GRIK1: variants seen among roughly 807,000 people sequenced by gnomAD.
The protein encoded by GRIK1 is glutamate receptor ionotropic, kainate 1.
Under a neutral mutation model 105.7 loss-of-function variants are expected in GRIK1, and 69 were observed. The observed-to-expected ratio is 0.65, with a 90% CI of 0.54 to 0.80. The LOEUF (loss-of-function observed/expected upper bound fraction) is 0.80, where lower values mean the gene tolerates loss of function less well. Ranked by LOEUF, GRIK1 falls within the 30% of genes least tolerant of loss-of-function variation. The pLI is 0.00. For synonymous variants in GRIK1, 438 were observed against 431.3 expected, an observed-to-expected ratio of 1.02 and a Z score of -0.19; for missense variants, 1,109 against 1,167.3, an observed-to-expected ratio of 0.95 and a Z score of 0.73.
At chr21:29,775,329 G>T (rs2065915979) in intron 1 of GRIK1, among the ~76,000 whole-genome samples, 1 of 151,462 alleles carries the variant, frequency 6.6e-6, no homozygotes, top group African/African-American at 2.4e-5. Flanking sequence ...TCAATAGATG[G>T]CCTTAAACCA....
rs183361831 is a variant in GRIK1, at chr21:29,695,258, G to A, written c.119-1195C>T. The stretch of plus-strand genomic sequence containing the variant: ...AGTTCTTAGATGTTTTCTGAGAGAC[G>A]TCCTAGGATTATTAATAGACACAGG... On this transcript the variant is annotated intron_variant, in intron 1 of 17. Transcript: ENST00000327783. Among the ~76,000 whole-genome samples, 21 of 152,224 alleles carry A rather than the reference G, an allele frequency of 1.4e-4. No individual in the cohort carries two copies. The East Asian group carries it at 3.3e-3, about 24-fold the overall frequency.
At chr21:29,796,420 T>C (rs772806912) in intron 1 of GRIK1, among the ~76,000 whole-genome samples, 7 of 152,102 alleles carry the variant, frequency 4.6e-5, no homozygotes, top group Non-Finnish European at 8.8e-5. Flanking sequence ...ATATTTTAAT[T>C]GTTAATTTTC....
chr21:29,675,037 A>G (rs1389999164), intron 3 of GRIK1, among the ~76,000 whole-genome samples: 1 of 152,210 alleles, frequency 6.6e-6, no homozygotes, highest in Non-Finnish European at 1.5e-5. Flanking sequence ...GTGGGTTCGT[A>G]TATTTGTTAT....
At chr21:29,872,927 G>A (rs2069071088) in intron 1 of GRIK1, among the ~76,000 whole-genome samples, 1 of 152,272 alleles carries the variant, frequency 6.6e-6, no homozygotes, top group East Asian at 1.9e-4. Context: ...CAATATATTT[G>A]TGGCCAGTTA....
chr21:29,657,570 C>G (rs2062878689), intron 4 of GRIK1: 1 of 152,182 alleles, frequency 6.6e-6, no homozygotes, highest in South Asian at 2.1e-4. Flanking sequence ...TAATTGCTTG[C>G]ATTAGTGCCT....
intron 7 of GRIK1, among the ~76,000 whole-genome samples, chr21:29,626,913 A>C (rs901463547): frequency 1.3e-5 from 2 of 152,222 alleles, no homozygotes; most frequent in Admixed American, 1.3e-4. Context: ...TTGCATGTTG[A>C]AATGGTGATC....
intron 1 of GRIK1, among the ~76,000 whole-genome samples, chr21:29,713,853 G>A (rs529281669): frequency 6.6e-6 from 1 of 152,120 alleles, no homozygotes; most frequent in South Asian, 2.1e-4. Context: ...TGCTTCAGCT[G>A]TACAGTCTTT....
chr21:29,550,949 T>C (rs1343505714), intron 16 of GRIK1, among the ~76,000 whole-genome samples: 2 of 152,236 alleles, frequency 1.3e-5, no homozygotes, highest in Non-Finnish European at 2.9e-5. Flanking sequence ...CTTAGAAATT[T>C]ACTCTAAAGA....
chr21:29,911,269 A>G (rs912309526), intron 1 of GRIK1, among the ~76,000 whole-genome samples: 6 of 152,074 alleles, frequency 3.9e-5, no homozygotes, highest in Non-Finnish European at 7.4e-5. Flanking sequence ...ATCAACTACT[A>G]TTTATTTGTG....
At chr21:29,582,345 T>C (rs2091040184) in intron 12 of GRIK1, 1 of 470,628 alleles carries the variant, frequency 2.1e-6, no homozygotes, top group Non-Finnish European at 4.4e-6. Flanking sequence ...TCAGCAACCC[T>C]GGTTCGGTAA....
intron 1 of GRIK1, among the ~76,000 whole-genome samples, chr21:29,784,237 T>G (rs2066200822): frequency 6.6e-6 from 1 of 152,230 alleles, no homozygotes; most frequent in Non-Finnish European, 1.5e-5. Flanking sequence ...TTTCCTAAAC[T>G]TTTGCTGTTA....
chr21:29,937,610 G>A (rs1264791686), intron 1 of GRIK1, among the ~76,000 whole-genome samples: 1 of 152,116 alleles, frequency 6.6e-6, no homozygotes, highest in Non-Finnish European at 1.5e-5. Flanking sequence ...GGGGGATATA[G>A]GAAAGGAAAA....
At chr21:29,635,621 A>T (rs1446082565) in intron 7 of GRIK1, among the ~76,000 whole-genome samples, 1 of 152,212 alleles carries the variant, frequency 6.6e-6, no homozygotes, top group Non-Finnish European at 1.5e-5. Flanking sequence ...TGCTAACCAG[A>T]GTTGACCAAT....
rs958973703 is a variant in GRIK1 at position 29,734,390 on chromosome 21, TC to T, written c.119-40328del. ...TCTTTTCTTTTCTTTTCTTTTCTTT[TC>T]TTTTCTTTTCTTTTCTTTTCTTTTC... On this transcript the variant is annotated intron_variant, in intron 1 of 17. Coordinates refer to ENST00000327783, the MANE Select transcript of GRIK1 (RefSeq NM_001330994.2). Among the ~76,000 whole-genome samples, 3 of 97,026 alleles carry T rather than the reference TC, an allele frequency of 3.1e-5. No homozygotes were observed. In the Admixed American group the frequency reaches 4.0e-4, roughly 13 times the overall value. The allele number at this position is 97,026 out of a possible 152,430, so 63.7% of individuals were successfully genotyped here.
chr21:29,734,095 A>G (rs1048662833), intron 1 of GRIK1, among the ~76,000 whole-genome samples: 56 of 152,324 alleles, frequency 3.7e-4, no homozygotes, highest in African/African-American at 1.2e-3. Flanking sequence ...CTTGTGAGCC[A>G]ATACAAACTT....
At chr21:29,605,007 G>C (rs965074904) in intron 7 of GRIK1, among the ~76,000 whole-genome samples, 12 of 152,098 alleles carry the variant, frequency 7.9e-5, no homozygotes, top group Non-Finnish European at 1.5e-4. Flanking sequence ...AATGTCATTA[G>C]TTAAAATGAT....
chr21:29,894,304 G>A (rs1030876261), intron 1 of GRIK1, among the ~76,000 whole-genome samples: 2 of 152,122 alleles, frequency 1.3e-5, no homozygotes, highest in African/African-American at 4.8e-5. Flanking sequence ...AAGTAGGGAA[G>A]CCAACAGTAC....
intron 1 of GRIK1, among the ~76,000 whole-genome samples, chr21:29,885,388 A>G (rs1284925022): frequency 6.6e-6 from 1 of 152,046 alleles, no homozygotes; most frequent in African/African-American, 2.4e-5. Context: ...TGGGACTCAG[A>G]TGGATGGAAT....
intron 1 of GRIK1, among the ~76,000 whole-genome samples, chr21:29,697,951 T>TTTG (rs2063740245): frequency 7.5e-6 from 1 of 132,614 alleles, no homozygotes; most frequent in Non-Finnish European, 1.5e-5. Context: ...TCTTTCTTTT[T>TTTG]TCTTTCTTCC....
Sources: gnomAD v4.1 joint callset for allele counts (sites outside exome capture counted in the v4.1 genomes callset) on GRCh38, gnomAD v4.1.1 for gene constraint, MANE v1.5 for transcripts, NCBI Gene and HGNC (gene_info 2026-07-23, HGNC 2026-07-21) for gene names.